PTDSS1: variants seen among roughly 807,000 people sequenced by gnomAD.
PTDSS1 encodes the protein phosphatidylserine synthase 1.
Under a neutral mutation model 70.5 loss-of-function variants are expected in PTDSS1, and 45 were observed. The observed-to-expected ratio is 0.64, with a 90% CI of 0.50 to 0.82. PTDSS1 has a LOEUF of 0.82. Among genes scored for constraint, PTDSS1 ranks in the 40% least tolerant of loss-of-function variants. The pLI is 0.00. For missense variants in PTDSS1, 417 were observed against 586.1 expected, an observed-to-expected ratio of 0.71 and a Z score of 2.98; for synonymous variants, 188 against 203.8, an observed-to-expected ratio of 0.92 and a Z score of 0.66.
At chr8:96,311,905 A>G (rs527389033) in intron 9 of PTDSS1, among the ~76,000 whole-genome samples, 71 of 152,316 alleles carry the variant, frequency 4.7e-4, no homozygotes, top group Non-Finnish European at 8.8e-4. Context: ...CCAAGGAGGA[A>G]ATGGTCTTTC....
chr8:96,315,513 C>T (rs1388525897), intron 9 of PTDSS1, among the ~76,000 whole-genome samples: 1 of 152,208 alleles, frequency 6.6e-6, no homozygotes, highest in Non-Finnish European at 1.5e-5. Flanking sequence ...CAGATTCCTA[C>T]AACAACCCTG....
intron 5 of PTDSS1, among the ~76,000 whole-genome samples, chr8:96,296,780 G>A (rs1810982256): frequency 6.6e-6 from 1 of 152,168 alleles, no homozygotes. Flanking sequence ...AGTTAGGATT[G>A]GATTCCAGAT....
In PTDSS1 at chr8:96,309,731, A is replaced by G. The variant is rs961076; in HGVS notation, c.1073+109A>G. ...CTTTCAGTATAATTTTTCTATGAAG[A>G]CAGGTGGACTAGATTTTATATATCT... On this transcript the variant is annotated intron_variant, in intron 9 of 12. Coordinates refer to ENST00000517309, the MANE Select transcript of PTDSS1 (RefSeq NM_014754.3). The G allele has an allele frequency of 0.074, 69,522 of 940,406 alleles. 3,128 individuals carry two copies. The highest frequency in any genetic ancestry group is 0.14 in the African/African-American group (8,609 of 60,592). The allele number at this position is 940,406 out of a possible 1,614,324, so 58.3% of individuals were successfully genotyped here.
At chr8:96,285,643 C>T (rs917367807) in intron 3 of PTDSS1, among the ~76,000 whole-genome samples, 3 of 152,078 alleles carry the variant, frequency 2.0e-5, no homozygotes, top group African/African-American at 7.2e-5. Flanking sequence ...TCTTGAGAGC[C>T]TTTGGGAGCA....
Position 96,287,217 on chromosome 8 carries a change from G to C in PTDSS1, c.441+71G>C. The C allele has an allele frequency of 1.9e-6, 3 of 1,547,980 alleles. No homozygotes were observed. In the South Asian group the frequency reaches 3.6e-5, roughly 19 times the overall value. On this transcript the variant is annotated intron_variant, in intron 4 of 12. Coordinates refer to ENST00000517309, the MANE Select transcript of PTDSS1 (RefSeq NM_014754.3). ...CTTGGGTGTAAGAGGTAATAGACTT[G>C]ACATTTTAAATTGTTCCTTCTCTGT...
At chr8:96,286,757 AC>A (rs2130056054) in intron 3 of PTDSS1, among the ~76,000 whole-genome samples, 1 of 152,204 alleles carries the variant, frequency 6.6e-6, no homozygotes, top group African/African-American at 2.4e-5. Context: ...CACCCCGCAC[AC>A]CCTTTGCCTC....
intron 2 of PTDSS1, among the ~76,000 whole-genome samples, chr8:96,274,029 TC>T (rs1197902799): frequency 6.6e-6 from 1 of 152,208 alleles, no homozygotes; most frequent in Non-Finnish European, 1.5e-5. Flanking sequence ...TCCAAATTCT[TC>T]CTTAAAAGTT....
In PTDSS1 at chr8:96,335,749, A is replaced by G. The variant is rs974515183; in HGVS notation, c.*2183A>G. The G allele has an allele frequency of 3.5e-4, 54 of 152,350 alleles. No individual in the cohort carries two copies. Among genetic ancestry groups the G allele is most frequent in the African/African-American group, 1.3e-3 (53 of 41,586 alleles). 9.4% of individuals were successfully genotyped at this position (152,350 alleles called of 1,614,324 possible). On this transcript the variant is annotated 3_prime_UTR_variant, in exon 13 of 13. Coordinates refer to ENST00000517309, the MANE Select transcript of PTDSS1 (RefSeq NM_014754.3). ...CCAGTGCTTTCCATGGCTGGCCAGAACCACAGCTGCTATTCCTTTTAGAAG... is the reference window on the plus strand; with the variant it reads ...CCAGTGCTTTCCATGGCTGGCCAGAGCCACAGCTGCTATTCCTTTTAGAAG...
intron 2 of PTDSS1, among the ~76,000 whole-genome samples, chr8:96,274,656 C>T (rs1403809474): frequency 6.6e-6 from 1 of 152,118 alleles, no homozygotes; most frequent in East Asian, 1.9e-4. Context: ...ACCCGGGAGG[C>T]GGAGGTTGCG....
chr8:96,311,058 G>A lies in PTDSS1; in HGVS notation c.1073+1436G>A, dbSNP rs192706198. 8.8e-3 allele frequency among the ~76,000 whole-genome samples: 1,345 copies of A among 152,204 alleles called. 8 individuals are homozygous for A. Among genetic ancestry groups the A allele is most frequent in the Non-Finnish European group, 0.012 (800 of 68,012 alleles). The stretch of plus-strand genomic sequence containing the variant: ...TGGGATTACAGGCTTGAGCCACTGC[G>A]CCCGGCCTTAAATGTTATATTTTAA... On this transcript the variant is annotated intron_variant, in intron 9 of 12. Coordinates refer to ENST00000517309, the MANE Select transcript of PTDSS1 (RefSeq NM_014754.3).
At chr8:96,313,002 G>C (rs186532859) in intron 9 of PTDSS1, among the ~76,000 whole-genome samples, 91 of 152,326 alleles carry the variant, frequency 6.0e-4, no homozygotes, top group Non-Finnish European at 1.0e-3. Flanking sequence ...GTAAGGTGGA[G>C]AAATGAGAGG....
chr8:96,297,959 C>T (rs1406537486), intron 5 of PTDSS1, among the ~76,000 whole-genome samples: 2 of 152,180 alleles, frequency 1.3e-5, no homozygotes, highest in East Asian at 1.9e-4. Flanking sequence ...TTGGGTCTAT[C>T]GGGGGCCCAT....
chr8:96,310,950 G>A (rs948466383), intron 9 of PTDSS1, among the ~76,000 whole-genome samples: 16 of 152,038 alleles, frequency 1.1e-4, no homozygotes, highest in African/African-American at 3.9e-4. Flanking sequence ...ATTTTTAGTA[G>A]AGATGGGGTT....
At chr8:96,307,637 T>C (rs1343939222) in intron 8 of PTDSS1, among the ~76,000 whole-genome samples, 3 of 152,146 alleles carry the variant, frequency 2.0e-5, no homozygotes, top group Non-Finnish European at 4.4e-5. Context: ...TCTATTGCAG[T>C]CATTATCTCA....
intron 5 of PTDSS1, 84 bp from the exon 6 acceptor site, chr8:96,299,610 G>A (rs1811022778): frequency 1.5e-6 from 2 of 1,340,018 alleles, no homozygotes; most frequent in South Asian, 3.0e-5. Flanking sequence ...CTAAAATAAT[G>A]TATTGTTAAA....
At chr8:96,307,263 A>G (rs1268590611) in intron 8 of PTDSS1, among the ~76,000 whole-genome samples, 2 of 152,176 alleles carry the variant, frequency 1.3e-5, no homozygotes, top group African/African-American at 2.4e-5. Context: ...TGCCAAAGGT[A>G]CAAATATAAT....
intron 8 of PTDSS1, among the ~76,000 whole-genome samples, chr8:96,307,215 C>T (rs1471982888): frequency 6.6e-6 from 1 of 151,940 alleles, no homozygotes; most frequent in East Asian, 1.9e-4. Context: ...ATAACTAATA[C>T]GGAATACTGG....
rs3060814 is a variant in PTDSS1 at position 96,309,749 on chromosome 8, ATATATC to A, written c.1073+145_1073+150del. ...TATGAAGACAGGTGGACTAGATTTT[ATATATC>A]TATATCTATATCTATATATACATAG... On this transcript the variant is annotated intron_variant, in intron 9 of 12. Coordinates refer to ENST00000517309, the MANE Select transcript of PTDSS1 (RefSeq NM_014754.3). 3.1e-3 allele frequency: 2,101 copies of A among 682,824 alleles called. 15 individuals are homozygous for A. The highest frequency in any genetic ancestry group is 4.4e-3 in the Non-Finnish European group (1,711 of 390,344). The allele number at this position is 682,824 out of a possible 1,614,324, so 42.3% of individuals were successfully genotyped here.
intron 10 of PTDSS1, among the ~76,000 whole-genome samples, chr8:96,324,266 C>T (rs1811409414): frequency 6.6e-6 from 1 of 152,184 alleles, no homozygotes; most frequent in Non-Finnish European, 1.5e-5. Flanking sequence ...ACCAGGATCA[C>T]CCGTAATGCT....
Sources: gnomAD v4.1 joint callset for allele counts (sites outside exome capture counted in the v4.1 genomes callset) on GRCh38, gnomAD v4.1.1 for gene constraint, MANE v1.5 for transcripts, NCBI Gene and HGNC (gene_info 2026-07-23, HGNC 2026-07-21) for gene names.